The following RABEPK variants were observed in gnomAD, a reference collection of about 807,000 sequenced individuals.
RABEPK encodes Rab9 effector protein with kelch motifs.
Under a neutral mutation model 34.1 loss-of-function variants are expected in RABEPK, and 27 were observed. The observed-to-expected ratio is 0.79, with a 90% CI of 0.58 to 1.09. The LOEUF is 1.09. Among genes scored for constraint, RABEPK ranks in the 50% least tolerant of loss-of-function variants. The pLI is 0.00. For missense variants in RABEPK, 449 were observed against 462.6 expected (o/e 0.97, Z 0.27); for synonymous variants, 172 against 169.2 (o/e 1.02, Z -0.13).
Position 125,232,575 on chromosome 9 carries a change from GCT to G in RABEPK, c.677-18_677-17del, listed in dbSNP as rs1832274658. ...ACATCTTAGCCCATGCTGCGCCAAAGCTCTTTCTTTCTCTTGGCAGGTGACAT... is the reference window on the plus strand; with the variant it reads ...ACATCTTAGCCCATGCTGCGCCAAAGCTTTCTTTCTCTTGGCAGGTGACAT... On this transcript the variant is annotated intron_variant, in intron 6 of 7. Coordinates refer to ENST00000373538, the MANE Select transcript of RABEPK (RefSeq NM_005833.4). The G allele has an allele frequency of 2.5e-6, 4 of 1,605,026 alleles. No individual in the cohort carries two copies. In the South Asian group the frequency reaches 3.3e-5, roughly 13 times the overall value.
chr9:125,207,089 TAAA>T (rs80221176), intron 2 of RABEPK, among the ~76,000 whole-genome samples: 7 of 133,070 alleles, frequency 5.3e-5, no homozygotes, highest in Admixed American at 7.6e-5. Context: ...AACTCCATCT[TAAA>T]AAAAAAAAAA....
intron 1 of RABEPK, 78 bp downstream of exon 1, chr9:125,200,984 A>C (rs1026183596): frequency 1.0e-4 from 39 of 389,732 alleles, no homozygotes; most frequent in Admixed American, 3.5e-4. Flanking sequence ...ACTCCATGCC[A>C]GGTCCATTGG....
At chr9:125,216,057 C>CGGG (rs1830910034) in intron 4 of RABEPK, among the ~76,000 whole-genome samples, 1 of 152,128 alleles carries the variant, frequency 6.6e-6, no homozygotes, top group Non-Finnish European at 1.5e-5. Flanking sequence ...CTTTGGGAGG[C>CGGG]TGAGGTGTAC....
Position 125,234,130 on chromosome 9 carries a change from G to C in RABEPK, c.*150G>C. On this transcript the variant is annotated 3_prime_UTR_variant, in exon 8 of 8. Transcript: ENST00000373538. ...AGAAACTAATGCAAATAATTCTTAT[G>C]TGCACTAAACCTTGCTATATTGCCT... The C allele has an allele frequency of 4.8e-6, 4 of 829,524 alleles. No individual in the cohort carries two copies. The highest frequency in any genetic ancestry group is 7.6e-6 in the Non-Finnish European group (4 of 528,226). The allele number at this position is 829,524 out of a possible 1,614,324, so 51.4% of individuals were successfully genotyped here.
chr9:125,212,950 G>A (rs1830685283), intron 3 of RABEPK, among the ~76,000 whole-genome samples: 1 of 152,200 alleles, frequency 6.6e-6, no homozygotes, highest in African/African-American at 2.4e-5. Context: ...TTACAGGCGT[G>A]AGCCACTGCA....
chr9:125,208,968 C>G (rs1475773590), intron 3 of RABEPK, among the ~76,000 whole-genome samples: 1 of 152,040 alleles, frequency 6.6e-6, no homozygotes, highest in Non-Finnish European at 1.5e-5. Context: ...ACCCCCTATA[C>G]AGTGCATTTT....
chr9:125,206,538 T>TC (rs1830239113), intron 2 of RABEPK, among the ~76,000 whole-genome samples: 1 of 151,802 alleles, frequency 6.6e-6, no homozygotes, highest in African/African-American at 2.4e-5. Context: ...AATGACCGAA[T>TC]TCTGTATGTG....
At chr9:125,218,321 CAAAAAAAAAAAA>C (rs71374234) in intron 4 of RABEPK, among the ~76,000 whole-genome samples, 32 of 41,170 alleles carry the variant, frequency 7.8e-4, no homozygotes, top group Non-Finnish European at 9.6e-4. Flanking sequence ...GACTCCGTCT[CAAAAAAAAAAAA>C]AAAAAAAAAA....
In RABEPK at chr9:125,208,101, C is replaced by T. The variant is rs563413372; in HGVS notation, c.211+380C>T. ...CAGGATCATGCCACTGTACTCCGGC[C>T]TGGGTGACAGAGCAAGACTCTGTCT... On this transcript the variant is annotated intron_variant, in intron 3 of 7. Transcript: ENST00000373538. 1.1e-4 allele frequency among the ~76,000 whole-genome samples: 16 copies of T among 152,126 alleles called. No individual in the cohort carries two copies. The East Asian group carries it at 3.1e-3, about 29-fold the overall frequency.
rs1250108443 is a variant in RABEPK, at chr9:125,228,055, T to C, written c.672T>C (p.Asp224=). 10 of 1,557,802 alleles carry C rather than the reference T, an allele frequency of 6.4e-6. No homozygotes were observed. The South Asian group carries it at 8.4e-5, about 13-fold the overall frequency. The change falls in exon 6 of 8, where the codon GAT becomes GAC. Residue 224 remains aspartate (D), a synonymous_variant. Transcript: ENST00000373538. ...TCTATGATGACCTCCACTGCATTGA[T>C]ATAAGTAAGCAGGGCATGGGGGCTT... The part of the protein sequence containing the change: ...DRFYDDLHCI[D]ISDMKWQKLN...
chr9:125,209,630 G>A (rs190485387), intron 3 of RABEPK, among the ~76,000 whole-genome samples: 126 of 152,172 alleles, frequency 8.3e-4, no homozygotes, highest in African/African-American at 2.7e-3. Context: ...GATTACAGGC[G>A]TGAGCCACCG....
chr9:125,233,463 C>G (rs986485947), intron 7 of RABEPK, among the ~76,000 whole-genome samples: 1 of 151,440 alleles, frequency 6.6e-6, no homozygotes, highest in Non-Finnish European at 1.5e-5. Context: ...CTCAGCCTCC[C>G]GAGTAGCTGG....
intron 3 of RABEPK, among the ~76,000 whole-genome samples, chr9:125,210,724 A>C (rs1274627012): frequency 6.7e-6 from 1 of 149,992 alleles, no homozygotes; most frequent in Non-Finnish European, 1.5e-5. Context: ...AAAAAAAAAG[A>C]AAATAAAAGA....
intron 6 of RABEPK, among the ~76,000 whole-genome samples, chr9:125,230,912 G>C (rs1832127206): frequency 6.6e-6 from 1 of 152,092 alleles, no homozygotes; most frequent in South Asian, 2.1e-4. Flanking sequence ...TTTAAAAAGA[G>C]CCTTTTTCTG....
At chr9:125,229,115 G>C (rs1244454049) in intron 6 of RABEPK, among the ~76,000 whole-genome samples, 1 of 151,634 alleles carries the variant, frequency 6.6e-6, no homozygotes, top group Non-Finnish European at 1.5e-5. Flanking sequence ...TTAGCCAGGC[G>C]TGGTGGTGCA....
intron 6 of RABEPK, among the ~76,000 whole-genome samples, chr9:125,231,687 A>G (rs1832190321): frequency 6.6e-6 from 1 of 151,774 alleles, no homozygotes; most frequent in Admixed American, 6.6e-5. Context: ...CTGTAATCCC[A>G]GCTACTCGGG....
intron 6 of RABEPK, among the ~76,000 whole-genome samples, chr9:125,231,614 A>G (rs867687162): frequency 1.3e-5 from 2 of 152,128 alleles, no homozygotes; most frequent in Middle Eastern, 3.4e-3. Flanking sequence ...CAGCCTGGCC[A>G]AGATGGTGAA....
intron 3 of RABEPK, among the ~76,000 whole-genome samples, chr9:125,208,737 AT>A (rs1285466558): frequency 1.3e-5 from 2 of 151,806 alleles, no homozygotes; most frequent in Admixed American, 1.3e-4. Flanking sequence ...GAGTTTCACC[AT>A]GTTGGCCAGG....
chr9:125,233,076 C>CAA (rs760554134), intron 7 of RABEPK, among the ~76,000 whole-genome samples: 1 of 64,816 alleles, frequency 1.5e-5, no homozygotes. Context: ...GACTCTGTCT[C>CAA]AAAAAAAAAA....
Sources: gnomAD v4.1 joint callset for allele counts (sites outside exome capture counted in the v4.1 genomes callset) on GRCh38, gnomAD v4.1.1 for gene constraint, MANE v1.5 for transcripts, NCBI Gene and HGNC (gene_info 2026-07-23, HGNC 2026-07-21) for gene names.